The following UNC93B1 variants were observed in gnomAD, a reference collection of about 807,000 sequenced individuals.
UNC93B1 encodes unc-93B1 regulator of TLR signaling, also known as protein unc-93 homolog B1.
Under a neutral mutation model 56.8 loss-of-function variants are expected in UNC93B1, and 33 were observed. The observed-to-expected ratio is 0.58, with a 90% CI of 0.44 to 0.78. The LOEUF (loss-of-function observed/expected upper bound fraction) is 0.78. Ranked by LOEUF, UNC93B1 falls within the 30% of genes least tolerant of loss-of-function variation. The probability of loss-of-function intolerance (pLI) is 0.00; values close to 1 mark genes in which losing one functional copy is unlikely to be tolerated. For missense variants in UNC93B1, 673 were observed against 819.5 expected, an observed-to-expected ratio of 0.82 and a Z score of 2.18; for synonymous variants, 334 against 358.6, an observed-to-expected ratio of 0.93 and a Z score of 0.77.
rs1857077812 is a variant in UNC93B1, at chr11:68,003,328, C to A, written c.239-153G>T. ...AGGACAGCGGGGTTCCCGGGCTGCG[C>A]CACGCCTTCTGCCAGCCCGCGGCCA... On this transcript the variant is annotated intron_variant, in intron 2 of 10. Transcript: ENST00000227471. The surrounding 1 kb of genome is among the most constrained non-coding windows in gnomAD (Gnocchi z 4.4). The A allele has an allele frequency of 1.9e-6, 2 of 1,051,746 alleles. No homozygotes were observed. The highest frequency in any genetic ancestry group is 1.8e-5 in the South Asian group (1 of 55,968). The allele number at this position is 1,051,746 out of a possible 1,614,324, so 65.2% of individuals were successfully genotyped here. A position where few individuals can be genotyped will look rare whatever the true frequency, so the allele number is the denominator to read the frequency against.
rs765439696 is a variant in UNC93B1, at chr11:67,995,659, C to T, written c.1315G>A (p.Ala439Thr). The T allele has an allele frequency of 1.4e-5, 21 of 1,545,220 alleles. No homozygotes were observed. In the African/African-American group the frequency reaches 2.8e-4, roughly 20 times the overall value. ...GCACTGCCCACACCCCAAAGGGCAG[C>T]TGCCACATAGAGGATCCAGCTGTGT... is the stretch of plus-strand genomic sequence containing the variant. ...LQHSWILYVA[A>T]ALWGVGSALN... Residue 439 changes from alanine (A) to threonine (T), a missense_variant, in exon 9 of 11, where the codon GCT (alanine) becomes ACT (threonine). Physicochemically the swap from Ala to Thr is moderately conservative, Grantham distance 58. Around this residue, in one of 3 missense-constraint regions of UNC93B1, gnomAD observed 155 missense variants for 268.3 expected, o/e 0.58. Coordinates refer to ENST00000227471, the MANE Select transcript of UNC93B1 (RefSeq NM_030930.4).
At chr11:68,000,912 C>T (rs1275433949) in intron 3 of UNC93B1, among the ~76,000 whole-genome samples, 1 of 151,728 alleles carries the variant, frequency 6.6e-6, no homozygotes, top group Non-Finnish European at 1.5e-5. Context: ...GTGCCCAGCA[C>T]GGCCGGGCGT....
Position 68,003,367 on chromosome 11 carries a change from GC to G in UNC93B1, c.239-193del, listed in dbSNP as rs1409324221. ...AGCCCGCGGCCACTTGGCCAGCTAA[GC>G]CCAGACCCCCACCCGCCTTGCTCCG... On this transcript the variant is annotated intron_variant, in intron 2 of 10. Coordinates refer to ENST00000227471, the MANE Select transcript of UNC93B1 (RefSeq NM_030930.4). The surrounding 1 kb of genome is among the most constrained non-coding windows in gnomAD (Gnocchi z 4.4). 1 of 871,752 alleles carries G rather than the reference GC, an allele frequency of 1.1e-6. No homozygotes were observed. The highest frequency in any genetic ancestry group is 1.7e-6 in the Non-Finnish European group (1 of 599,136). The allele number at this position is 871,752 out of a possible 1,614,324, so 54.0% of individuals were successfully genotyped here.
intron 9 of UNC93B1, among the ~76,000 whole-genome samples, chr11:67,995,392 A>G (rs1309074262): frequency 1.3e-5 from 2 of 151,368 alleles, no homozygotes; most frequent in African/African-American, 2.4e-5. Context: ...GGGTGTCCAC[A>G]CCCTACCCAT....
chr11:67,998,255 G>A (rs1484015456), intron 6 of UNC93B1, 104 bp downstream of exon 6: 5 of 1,339,670 alleles, frequency 3.7e-6, no homozygotes, highest in South Asian at 2.4e-5. Context: ...AGAGCCGTGG[G>A]GCACTGGGCT....
In UNC93B1 at chr11:67,997,807, G is replaced by A; in HGVS notation, c.782-8C>T. ...TCCCGTGGCTGTTGGTGCCTGGGAA[G>A]GGTGGGGGTGAGGGCACCGTGAGCA... is the stretch of plus-strand genomic sequence containing the variant. On this transcript the variant is annotated splice_polypyrimidine_tract_variant and splice_region_variant and intron_variant, in intron 6 of 10. Transcript: ENST00000227471. 1 of 1,604,936 alleles carries A rather than the reference G, an allele frequency of 6.2e-7. No individual in the cohort carries two copies. Among genetic ancestry groups the A allele is most frequent in the Non-Finnish European group, 8.5e-7 (1 of 1,179,026 alleles).
chr11:67,997,886 G>C, intron 6 of UNC93B1, 87 bp from the exon 7 acceptor site: 2 of 1,544,118 alleles, frequency 1.3e-6, no homozygotes, highest in Admixed American at 1.9e-5. Context: ...CGCAGGCCGC[G>C]GAGGAGCGGT....
chr11:68,000,094 A>G (rs1289570657), intron 3 of UNC93B1, among the ~76,000 whole-genome samples: 1 of 152,260 alleles, frequency 6.6e-6, no homozygotes, highest in Non-Finnish European at 1.5e-5. Flanking sequence ...TGCTGGGAGC[A>G]GCAGAGCCAG....
At chr11:67,998,630 G>A (rs962666669) in intron 5 of UNC93B1, among the ~76,000 whole-genome samples, 178 bp from the exon 6 acceptor site, 1 of 152,168 alleles carries the variant, frequency 6.6e-6, no homozygotes, top group African/African-American at 2.4e-5. Flanking sequence ...CCAGCATTGT[G>A]GAAAAGGGCA....
intron 8 of UNC93B1, 45 bp from the exon 9 acceptor site, chr11:67,995,929 G>A (rs1193861831): frequency 2.8e-6 from 4 of 1,430,256 alleles, no homozygotes; most frequent in Non-Finnish European, 3.6e-6. Flanking sequence ...GAACAGCCCA[G>A]ACCACAGTCT....
At chr11:67,996,493 C>T (rs1856949468) in intron 8 of UNC93B1, 109 bp downstream of exon 8, 1 of 1,379,344 alleles carries the variant, frequency 7.2e-7, no homozygotes, top group African/African-American at 1.5e-5. Flanking sequence ...TTGGGATATA[C>T]ATGTACACAC....
intron 8 of UNC93B1, 195 bp from the exon 9 acceptor site, chr11:67,996,079 G>C (rs1480097158): frequency 1.8e-5 from 7 of 384,868 alleles, no homozygotes; most frequent in Non-Finnish European, 2.3e-5. Flanking sequence ...TAAGAGTCGG[G>C]GGGAAAAGAG....
chr11:67,998,567 T>G (rs1379121022), intron 5 of UNC93B1, 115 bp from the exon 6 acceptor site: 10 of 1,030,870 alleles, frequency 9.7e-6, no homozygotes, highest in African/African-American at 3.2e-5. Context: ...GCCTTCCCAG[T>G]TCTGGGAGTA....
intron 7 of UNC93B1, among the ~76,000 whole-genome samples, chr11:67,997,035 G>T (rs1298297162): frequency 6.6e-6 from 1 of 150,724 alleles, no homozygotes; most frequent in Non-Finnish European, 1.5e-5. Context: ...CCCAGCCCAA[G>T]GCCCCATCCC....
chr11:67,998,083 C>T (rs1450231060), intron 6 of UNC93B1, among the ~76,000 whole-genome samples: 1 of 152,234 alleles, frequency 6.6e-6, no homozygotes, highest in East Asian at 1.9e-4. Context: ...ACCCCCTGCA[C>T]TGATTGAGCT....
At position 67,999,219 on chromosome 11, in the gene UNC93B1, G is replaced by A. The variant is rs374178199; in HGVS notation, c.641C>T (p.Ala214Val). 53 of 1,613,258 alleles carry A rather than the reference G, an allele frequency of 3.3e-5. No individual in the cohort carries two copies. Among genetic ancestry groups the A allele is most frequent in the East Asian group, 8.9e-5 (4 of 44,902 alleles). The change falls in exon 5 of 11, where the codon GCG (alanine) becomes GTG (valine). Residue 214 changes from alanine (A) to valine (V), a missense_variant. Around this residue, in one of 3 missense-constraint regions of UNC93B1, gnomAD observed 438 missense variants for 465.9 expected, o/e 0.94. Coordinates refer to ENST00000227471, the MANE Select transcript of UNC93B1 (RefSeq NM_030930.4). ...GGCTTGGAAGACCAGGAGATAGGGC[G>A]CGTGGGAGCCCCGCGGAGGCCGCTG... ...MKQRPPRGSHAPYLLVFQAIF... is the reference protein window; with the variant it reads ...MKQRPPRGSHVPYLLVFQAIF...
At chr11:67,992,665 C>T (rs371938227) in intron 10 of UNC93B1, among the ~76,000 whole-genome samples, 435 of 96,406 alleles carry the variant, frequency 4.5e-3, no homozygotes, top group African/African-American at 0.017. Flanking sequence ...TTTTTTTTTT[C>T]CTTTTTTTTT....
At position 67,991,598 on chromosome 11, in the gene UNC93B1, C is replaced by A. The variant is rs754871549; in HGVS notation, c.1742G>T (p.Arg581Leu). The A allele has an allele frequency of 6.0e-6, 9 of 1,497,200 alleles. No individual in the cohort carries two copies. In the South Asian group the frequency reaches 1.0e-4, roughly 17 times the overall value. The allele number at this position is 1,497,200 out of a possible 1,614,324, so 92.7% of individuals were successfully genotyped here. A position where few individuals can be genotyped will look rare whatever the true frequency, so the allele number is the denominator to read the frequency against. The change falls in exon 11 of 11, where the codon CGG (arginine) becomes CTG (leucine). Residue 581 changes from arginine (R) to leucine (L), a missense_variant. Transcript: ENST00000227471. ...PGPEPAGLGRRPCPYEQAQGG... is the reference protein window; with the variant it reads ...PGPEPAGLGRLPCPYEQAQGG... ...CTGCGCCTGTTCGTACGGGCAGGGC[C>A]GGCGGCCGAGTCCAGCGGGCTCGGG...
chr11:67,999,330 C>G (rs964424662), intron 4 of UNC93B1, 25 bp from the exon 5 acceptor site: 70 of 1,597,978 alleles, frequency 4.4e-5, no homozygotes, highest in Non-Finnish European at 6.0e-5. Flanking sequence ...AGAGAAGGCT[C>G]TCCCCAGCCC....
Sources: gnomAD v4.1 joint callset for allele counts (sites outside exome capture counted in the v4.1 genomes callset) on GRCh38, gnomAD v4.1.1 for gene constraint, gnomAD v4.1.1 regional missense constraint, Gnocchi (gnomAD v3.1) non-coding constraint, MANE v1.5 for transcripts, NCBI Gene and HGNC (gene_info 2026-07-23, HGNC 2026-07-21) for gene names.